Variants in SCAPER observed in about 807,000 individuals in gnomAD.
The protein encoded by SCAPER is S phase cyclin A-associated protein in the endoplasmic reticulum.
A neutral mutation model predicts 182.2 loss-of-function variants in SCAPER; 98 were observed. The observed-to-expected ratio is 0.54, with a 90% CI of 0.46 to 0.64. The LOEUF is 0.64. SCAPER is among the 30% of genes least tolerant of loss of function. The pLI is 0.00. For synonymous variants in SCAPER, 605 were observed against 564.6 expected (o/e 1.07, Z -1.01); for missense variants, 1,432 against 1,690.0 (o/e 0.85, Z 2.68).
chr15:76,818,603 G>A (rs949662328), intron 5 of SCAPER, among the ~76,000 whole-genome samples: 1 of 152,232 alleles, frequency 6.6e-6, no homozygotes, highest in Non-Finnish European at 1.5e-5. Context: ...AACAATAAGG[G>A]GGGTGGAGCC....
chr15:76,598,417 G>C (rs2049666861), intron 22 of SCAPER, among the ~76,000 whole-genome samples: 3 of 121,216 alleles, frequency 2.5e-5, no homozygotes, highest in African/African-American at 7.6e-5. Context: ...TGTAGAACTA[G>C]AAATGCCATT....
Position 76,705,927 on chromosome 15 carries a change from C to A in SCAPER, c.2223G>T (p.Glu741Asp). The A allele has an allele frequency of 1.3e-6, 2 of 1,560,792 alleles. No individual in the cohort carries two copies. The change falls in exon 18 of 32, where the codon GAG (glutamate) becomes GAT (aspartate). Residue 741 changes from glutamate (E) to aspartate (D), a missense_variant. Physicochemically the swap from Glu to Asp is conservative, Grantham distance 45. Transcript: ENST00000563290. The stretch of plus-strand genomic sequence containing the variant: ...CCTTGAGCTGAATTTTTTTCTGTAA[C>A]TCTTCCATAGCTTCTTGTTGAGCAG... Reference protein sequence around the residue: ...LTAAQQEAMEELQKKIQLKHD... With the variant: ...LTAAQQEAMEDLQKKIQLKHD...
At chr15:76,790,653 T>C (rs1182753135) in intron 8 of SCAPER, among the ~76,000 whole-genome samples, 2 of 152,194 alleles carry the variant, frequency 1.3e-5, no homozygotes, top group South Asian at 4.1e-4. Flanking sequence ...ATTCCTGCTA[T>C]TACTCCTTGT....
intron 23 of SCAPER, among the ~76,000 whole-genome samples, chr15:76,506,257 T>G (rs758065211): frequency 6.6e-6 from 1 of 152,180 alleles, no homozygotes; most frequent in Non-Finnish European, 1.5e-5. Context: ...ACTAAAAGAA[T>G]ATAGTTGGAT....
chr15:76,539,310 A>G (rs1456080891), intron 23 of SCAPER, among the ~76,000 whole-genome samples: 1 of 152,182 alleles, frequency 6.6e-6, no homozygotes, highest in East Asian at 1.9e-4. Context: ...GTGCAAGTAA[A>G]CCTAAATAGA....
intron 17 of SCAPER, among the ~76,000 whole-genome samples, chr15:76,719,951 T>C (rs1259502202): frequency 6.6e-6 from 1 of 152,092 alleles, no homozygotes; most frequent in African/African-American, 2.4e-5. Flanking sequence ...TATTACACTT[T>C]AAGTTTTAGG....
intron 23 of SCAPER, among the ~76,000 whole-genome samples, chr15:76,521,714 C>G (rs1194130808): frequency 2.0e-5 from 3 of 152,050 alleles, no homozygotes; most frequent in African/African-American, 4.8e-5. Flanking sequence ...TCCCATAATT[C>G]CAAAATAGGT....
chr15:76,736,448 T>A (rs568716935), intron 15 of SCAPER, among the ~76,000 whole-genome samples: 17 of 152,216 alleles, frequency 1.1e-4, no homozygotes, highest in Non-Finnish European at 2.4e-4. Flanking sequence ...TGCTGTTTGA[T>A]AGCATTTTAC....
At chr15:76,670,532 T>A (rs760693756) in intron 20 of SCAPER, among the ~76,000 whole-genome samples, 1 of 152,210 alleles carries the variant, frequency 6.6e-6, no homozygotes, top group Non-Finnish European at 1.5e-5. Context: ...TCCTTTATGA[T>A]CAAATCACAG....
At chr15:76,422,196 A>G (rs1302672859) in intron 26 of SCAPER, among the ~76,000 whole-genome samples, 4 of 152,318 alleles carry the variant, frequency 2.6e-5, no homozygotes, top group African/African-American at 9.6e-5. Flanking sequence ...TTGAATCTAT[A>G]AATTACCTTG....
intron 31 of SCAPER, chr15:76,349,065 T>C (rs1398523880): frequency 6.0e-6 from 1 of 166,146 alleles, no homozygotes. Flanking sequence ...TGCGCGCCTG[T>C]AGTCCCAGCT....
chr15:76,410,148 G>A (rs890476228), intron 26 of SCAPER, among the ~76,000 whole-genome samples: 13 of 151,930 alleles, frequency 8.6e-5, no homozygotes, highest in Non-Finnish European at 1.8e-4. Context: ...TTTTCCCTTG[G>A]GGGTCCCAGG....
rs1464651573 is a variant in SCAPER, at chr15:76,845,679, T to TA, written c.196-3749dup. ...AACATCTCTACAATGAATACACTGATAAAAGAAATTGAAGAAGACACCAAA... is the reference window on the plus strand; with the variant it reads ...AACATCTCTACAATGAATACACTGATAAAAAGAAATTGAAGAAGACACCAAA... On this transcript the variant is annotated intron_variant, in intron 4 of 31. Transcript: ENST00000563290. Among the ~76,000 whole-genome samples, 7 of 151,986 alleles carry TA rather than the reference T, an allele frequency of 4.6e-5. No individual in the cohort carries two copies. The East Asian group carries it at 1.4e-3, about 29-fold the overall frequency.
chr15:76,588,874 T>C (rs1460576669), intron 22 of SCAPER, among the ~76,000 whole-genome samples: 2 of 152,156 alleles, frequency 1.3e-5, no homozygotes, highest in Admixed American at 6.5e-5. Flanking sequence ...GGGTAGGCTA[T>C]GTCAGAGGGA....
At chr15:76,801,433 T>C (rs1439760235) in intron 6 of SCAPER, among the ~76,000 whole-genome samples, 5 of 152,216 alleles carry the variant, frequency 3.3e-5, no homozygotes, top group Non-Finnish European at 5.9e-5. Flanking sequence ...TTTACCTATA[T>C]TTTCTTCTTT....
chr15:76,901,100 C>T lies in SCAPER; in HGVS notation c.-60+4199G>A, dbSNP rs62027264. Among the ~76,000 whole-genome samples the T allele has an allele frequency of 6.5e-3, 996 of 152,180 alleles. 9 individuals carry two copies. Among genetic ancestry groups the T allele is most frequent in the Non-Finnish European group, 0.011 (724 of 67,994 alleles). On this transcript the variant is annotated intron_variant, in intron 1 of 31. Transcript: ENST00000563290. Reference sequence around the variant, plus strand: ...TAGTTTGTAGCCAGGTGTGGTGGCACCCGCCTGTAGTCCCAGCTACTCAGG... The same window carrying T: ...TAGTTTGTAGCCAGGTGTGGTGGCATCCGCCTGTAGTCCCAGCTACTCAGG...
At chr15:76,571,061 C>G (rs904919788) in intron 23 of SCAPER, among the ~76,000 whole-genome samples, 1 of 152,024 alleles carries the variant, frequency 6.6e-6, no homozygotes, top group African/African-American at 2.4e-5. Context: ...CCTATTAGAC[C>G]TCATACCTAG....
intron 20 of SCAPER, among the ~76,000 whole-genome samples, chr15:76,669,696 T>C (rs992008993): frequency 2.0e-5 from 3 of 152,202 alleles, no homozygotes; most frequent in Non-Finnish European, 2.9e-5. Context: ...ATAATGCCCA[T>C]GGTCACAAAG....
intron 14 of SCAPER, among the ~76,000 whole-genome samples, chr15:76,756,467 AC>A (rs1373944976): frequency 6.6e-6 from 1 of 152,102 alleles, no homozygotes; most frequent in African/African-American, 2.4e-5. Context: ...AATCTTGGTT[AC>A]TCAGCAGGTT....
Sources: gnomAD v4.1 joint callset for allele counts (sites outside exome capture counted in the v4.1 genomes callset) on GRCh38, gnomAD v4.1.1 for gene constraint, MANE v1.5 for transcripts, NCBI Gene and HGNC (gene_info 2026-07-23, HGNC 2026-07-21) for gene names.